Variants in TEX11 observed in about 807,000 individuals in gnomAD.
TEX11 encodes testis expressed 11.
Under a neutral mutation model 84.4 loss-of-function variants are expected in TEX11, and 7 were observed. The ratio of observed to expected loss-of-function variants is 0.08; its 90% confidence interval spans 0.05 to 0.16. The LOEUF (loss-of-function observed/expected upper bound fraction) is 0.16. TEX11 is among the 10% of genes least tolerant of loss of function. TEX11 has a pLI of 1.00. For synonymous variants in TEX11, 264 were observed against 222.8 expected, an observed-to-expected ratio of 1.18 and a Z score of -1.64; for missense variants, 551 against 660.5, an observed-to-expected ratio of 0.83 and a Z score of 1.82.
intron 25 of TEX11, among the ~76,000 whole-genome samples, chrX:70,589,670 A>G (rs1049106285): frequency 1.8e-5 from 2 of 111,163 alleles, no homozygotes; most frequent in African/African-American, 3.3e-5. Flanking sequence ...TTACGGGCAC[A>G]TGCCACCATA....
chrX:70,656,612 G>A (rs2089869115), intron 16 of TEX11, among the ~76,000 whole-genome samples: 2 of 111,202 alleles, frequency 1.8e-5, no homozygotes, highest in African/African-American at 3.3e-5. Context: ...ACACAAGTGG[G>A]TGGAGAAAAA....
chrX:70,636,319 G>C (rs1042433432), intron 17 of TEX11, among the ~76,000 whole-genome samples: 2 of 110,722 alleles, frequency 1.8e-5, no homozygotes, highest in African/African-American at 3.3e-5. Context: ...CCAGCTCCAG[G>C]CTCTAGGACT....
intron 25 of TEX11, among the ~76,000 whole-genome samples, chrX:70,567,698 C>T (rs972506704): frequency 3.6e-5 from 4 of 111,230 alleles, no homozygotes; most frequent in Admixed American, 1.9e-4. Flanking sequence ...GTTCAGTTTC[C>T]GTGTAGTTGA....
At chrX:70,827,530 C>G (rs2091353600) in intron 8 of TEX11, among the ~76,000 whole-genome samples, 1 of 111,340 alleles carries the variant, frequency 9.0e-6, no homozygotes, top group African/African-American at 3.3e-5. Flanking sequence ...AGTCCCAGGC[C>G]TGGCAGCATT....
intron 13 of TEX11, among the ~76,000 whole-genome samples, chrX:70,697,730 A>G (rs1234349527): frequency 1.8e-5 from 2 of 111,983 alleles, no homozygotes; most frequent in Non-Finnish European, 1.9e-5. Context: ...GATAACAGCT[A>G]AAGTGTTGAA....
At chrX:70,574,794 T>C (rs913275408) in intron 25 of TEX11, among the ~76,000 whole-genome samples, 2 of 111,321 alleles carry the variant, frequency 1.8e-5, no homozygotes, top group Admixed American at 9.6e-5. Context: ...TTAAATAGTA[T>C]TGAAAGTTGC....
chrX:70,636,505 C>T, intron 17 of TEX11, among the ~76,000 whole-genome samples: 1 of 111,854 alleles, frequency 8.9e-6, no homozygotes, highest in Non-Finnish European at 1.9e-5. Flanking sequence ...AGGACTGAGG[C>T]CTGCCCTAGT....
chrX:70,791,982 G>A (rs953126195), intron 9 of TEX11, among the ~76,000 whole-genome samples: 2 of 107,441 alleles, frequency 1.9e-5, no homozygotes, highest in East Asian at 2.9e-4. Context: ...AAAATTAGCC[G>A]GGCATGGTGG....
intron 9 of TEX11, among the ~76,000 whole-genome samples, chrX:70,757,584 C>T (rs2090876674): frequency 9.0e-6 from 1 of 111,693 alleles, no homozygotes. Context: ...GACATTTTGT[C>T]ACCACCAGGC....
chrX:70,855,710 C>T (rs960040681), intron 5 of TEX11, among the ~76,000 whole-genome samples: 1 of 111,412 alleles, frequency 9.0e-6, no homozygotes, highest in African/African-American at 3.3e-5. Flanking sequence ...TAAAATGAGG[C>T]CATTAGGGCG....
At position 70,851,658 on chromosome X, in the gene TEX11, T is replaced by C. The variant is rs1042893159; in HGVS notation, c.525+1376A>G. On this transcript the variant is annotated intron_variant, in intron 7 of 29. Transcript: ENST00000374333. Reference sequence around the variant, plus strand: ...CCCTTAGTTATATACCAAAGAAAATTAAAAACATACACACACACACACACA... The same window carrying C: ...CCCTTAGTTATATACCAAAGAAAATCAAAAACATACACACACACACACACA... Among the ~76,000 whole-genome samples the C allele has an allele frequency of 1.3e-4, 7 of 53,086 alleles. No individual in the cohort carries two copies. In the Admixed American group the frequency reaches 1.6e-3, roughly 12 times the overall value. The allele number at this position is 53,086 out of a possible 115,157, so 46.1% of individuals were successfully genotyped here. A position where few individuals can be genotyped will look rare whatever the true frequency, so the allele number is the denominator to read the frequency against.
chrX:70,592,210 G>T (rs2088941449), intron 24 of TEX11, among the ~76,000 whole-genome samples: 1 of 108,246 alleles, frequency 9.2e-6, no homozygotes, highest in East Asian at 3.0e-4. Context: ...AGGGTATACA[G>T]AAAATGAAGA....
chrX:70,805,924 C>T (rs768659174), intron 9 of TEX11, among the ~76,000 whole-genome samples: 1 of 111,783 alleles, frequency 8.9e-6, no homozygotes, highest in African/African-American at 3.2e-5. Flanking sequence ...CACTCCAAAT[C>T]TTAGTATAGT....
intron 7 of TEX11, among the ~76,000 whole-genome samples, chrX:70,847,387 C>T (rs1195375325): frequency 9.0e-6 from 1 of 111,059 alleles, no homozygotes; most frequent in Non-Finnish European, 1.9e-5. Context: ...GGTCCAATGG[C>T]GTTTATTCCG....
chrX:70,881,859 A>G (rs1159911065), intron 2 of TEX11, among the ~76,000 whole-genome samples: 2 of 109,321 alleles, frequency 1.8e-5, no homozygotes, highest in African/African-American at 6.6e-5. Flanking sequence ...AAAACTATAT[A>G]TGAAAAGAAA....
intron 20 of TEX11, among the ~76,000 whole-genome samples, chrX:70,617,256 T>G (rs2147539440): frequency 9.2e-6 from 1 of 108,519 alleles, no homozygotes; most frequent in Admixed American, 1.0e-4. Context: ...TAAAAGAAGT[T>G]ATTTAGAGAG....
intron 11 of TEX11, among the ~76,000 whole-genome samples, chrX:70,731,791 T>C (rs2090654134): frequency 9.0e-6 from 1 of 110,522 alleles, no homozygotes; most frequent in Admixed American, 9.6e-5. Context: ...GAATCCTCCC[T>C]AACTCATTTT....
At chrX:70,565,584 G>T (rs1457428325) in intron 25 of TEX11, among the ~76,000 whole-genome samples, 1 of 111,157 alleles carries the variant, frequency 9.0e-6, no homozygotes, top group Non-Finnish European at 1.9e-5. Context: ...TTTTGTATAA[G>T]GGGTAAGGAA....
At chrX:70,699,111 C>A (rs999854307) in intron 13 of TEX11, among the ~76,000 whole-genome samples, 2 of 111,560 alleles carry the variant, frequency 1.8e-5, no homozygotes, top group African/African-American at 6.5e-5. Flanking sequence ...GGATGTAACA[C>A]TGGGAGGAAT....
Sources: gnomAD v4.1 joint callset for allele counts (sites outside exome capture counted in the v4.1 genomes callset) on GRCh38, gnomAD v4.1.1 for gene constraint, MANE v1.5 for transcripts, NCBI Gene and HGNC (gene_info 2026-07-23, HGNC 2026-07-21) for gene names.